The following GOLGA4 variants were observed in gnomAD, a reference collection of about 807,000 sequenced individuals.
GOLGA4 encodes golgin subfamily A member 4.
In GOLGA4, 169 loss-of-function variants were observed where a neutral mutation model predicts 265.9. The ratio of observed to expected loss-of-function variants is 0.64; its 90% CI spans 0.56 to 0.72. The LOEUF (loss-of-function observed/expected upper bound fraction) is 0.72. Among genes scored for constraint, GOLGA4 ranks in the 30% least tolerant of loss-of-function variants. The probability of loss-of-function intolerance (pLI) is 0.00; values close to 1 mark genes in which losing one functional copy is unlikely to be tolerated. For synonymous variants in GOLGA4, 923 were observed against 855.8 expected (o/e 1.08, Z -1.37); for missense variants, 2,482 against 2,483.4 (o/e 1.00, Z 0.01).
Position 37,326,609 on chromosome 3 carries a change from GAA to G in GOLGA4, c.4726_4727del (p.Lys1576GlyfsTer5), listed in dbSNP as rs1416636024. The G allele has an allele frequency of 6.2e-7, 1 of 1,613,260 alleles. No individual in the cohort carries two copies. The highest frequency in any genetic ancestry group is 8.5e-7 in the Non-Finnish European group (1 of 1,179,622). On this transcript the variant is annotated frameshift_variant, in exon 14 of 24. Coordinates refer to ENST00000361924, the MANE Select transcript of GOLGA4 (RefSeq NM_002078.5). LOFTEE classifies it high-confidence loss of function. ...KLQHFQELGEEKDNRVKEAEE... is the reference protein window; with the variant it reads ...KLQHFQELGEXKDNRVKEAEE... ...TCAACATTTTCAAGAGTTAGGAGAAGAAAAGGACAACAGGGTTAAAGAAGCTG... is the reference window on the plus strand; with the variant it reads ...TCAACATTTTCAAGAGTTAGGAGAAGAAGGACAACAGGGTTAAAGAAGCTG...
chr3:37,331,833 CATAT>C (rs35354419), intron 16 of GOLGA4, among the ~76,000 whole-genome samples: 45,520 of 151,798 alleles, frequency 0.3, 7,650 homozygotes, highest in Non-Finnish European at 0.39. Flanking sequence ...ACACCATACA[CATAT>C]ATATTAATGT....
At chr3:37,296,619 G>C (rs1559395652) in intron 7 of GOLGA4, among the ~76,000 whole-genome samples, 1 of 152,162 alleles carries the variant, frequency 6.6e-6, no homozygotes, top group African/African-American at 2.4e-5. Flanking sequence ...TGCCTAGGCT[G>C]GAGTGCAGTA....
chr3:37,298,903 T>G lies in GOLGA4; in HGVS notation c.885T>G (p.Leu295=). ...GAGTGAAGCGTCAAGAGAACCTACT[T>G]AAGCGTTGTAAGGAAACAATTCAGT... ...QQRVKRQENL[L]KRCKETIQSH... Residue 295 remains leucine, a synonymous_variant, in exon 8 of 24, where the codon CTT becomes CTG. Coordinates refer to ENST00000361924, the MANE Select transcript of GOLGA4 (RefSeq NM_002078.5). The G allele has an allele frequency of 6.2e-7, 1 of 1,613,556 alleles. No homozygotes were observed. The highest frequency in any genetic ancestry group is 8.5e-7 in the Non-Finnish European group (1 of 1,179,536).
rs531821336 is a variant in GOLGA4, at chr3:37,341,122, A to C, written c.6472+923A>C. On this transcript the variant is annotated intron_variant, in intron 20 of 23. Transcript: ENST00000361924. ...GTGGAGGTTGCAGTGAGCCAAGATCATGCCATTGCACTAAAAAAAAAAATG... is the reference window on the plus strand; with the variant it reads ...GTGGAGGTTGCAGTGAGCCAAGATCCTGCCATTGCACTAAAAAAAAAAATG... 5.3e-5 allele frequency among the ~76,000 whole-genome samples: 8 copies of C among 152,150 alleles called. 1 individual carries two copies. The South Asian group carries it at 1.7e-3, about 32-fold the overall frequency.
intron 7 of GOLGA4, among the ~76,000 whole-genome samples, chr3:37,297,918 A>G (rs1377545679): frequency 1.3e-5 from 2 of 151,998 alleles, no homozygotes; most frequent in African/African-American, 4.8e-5. Context: ...AATCCCAGCT[A>G]CTTGGGAGGT....
At chr3:37,262,407 G>A (rs926682833) in intron 2 of GOLGA4, among the ~76,000 whole-genome samples, 4 of 151,986 alleles carry the variant, frequency 2.6e-5, no homozygotes, top group African/African-American at 9.7e-5. Context: ...TCGGGAGGCT[G>A]AATGAGGCAG....
intron 2 of GOLGA4, among the ~76,000 whole-genome samples, chr3:37,256,687 CTTGTTGTTG>C (rs2096749679): frequency 6.6e-6 from 1 of 152,088 alleles, no homozygotes; most frequent in Admixed American, 6.6e-5. Context: ...GCTTCCTGTC[CTTGTTGTTG>C]CTTGAGGTTA....
rs754550127 is a variant in GOLGA4 at position 37,355,075 on chromosome 3, G to A, written c.6577-26G>A. ...ACTTTATATGCTTCACTGTCTGTTAGTGATCATCTCTTGTTTTTCTTGTAG... is the reference window on the plus strand; with the variant it reads ...ACTTTATATGCTTCACTGTCTGTTAATGATCATCTCTTGTTTTTCTTGTAG... On this transcript the variant is annotated intron_variant, in intron 21 of 23. Transcript: ENST00000361924. 4.6e-6 allele frequency: 6 copies of A among 1,302,156 alleles called. No homozygotes were observed. In the Admixed American group the frequency reaches 5.0e-5, roughly 11 times the overall value. The allele number at this position is 1,302,156 out of a possible 1,614,324, so 80.7% of individuals were successfully genotyped here. A position where few individuals can be genotyped will look rare whatever the true frequency, so the allele number is the denominator to read the frequency against.
chr3:37,302,467 G>GTA, intron 10 of GOLGA4, 135 bp downstream of exon 10: 1 of 763,696 alleles, frequency 1.3e-6, no homozygotes. Flanking sequence ...ACACCCATCT[G>GTA]CTCATTAGAG....
At position 37,276,060 on chromosome 3, in the gene GOLGA4, G is replaced by A. The variant is rs542227359; in HGVS notation, c.163-5898G>A. 2.2e-5 allele frequency: 36 copies of A among 1,612,560 alleles called. No homozygotes were observed. In the South Asian group the frequency reaches 3.1e-4, roughly 14 times the overall value. ...AACAGAAAGGATGAGACAAATGCTC[G>A]AGATACTTATGTTTCATCCTTTCCT... On this transcript the variant is annotated intron_variant, in intron 2 of 23. Coordinates refer to ENST00000361924, the MANE Select transcript of GOLGA4 (RefSeq NM_002078.5).
At chr3:37,255,667 C>T (rs1347888917) in intron 2 of GOLGA4, among the ~76,000 whole-genome samples, 1 of 152,032 alleles carries the variant, frequency 6.6e-6, no homozygotes, top group Non-Finnish European at 1.5e-5. Context: ...ATTCCAGATA[C>T]GTAGACTTTA....
chr3:37,316,891 C>T (rs959058035), intron 11 of GOLGA4, among the ~76,000 whole-genome samples: 1 of 151,470 alleles, frequency 6.6e-6, no homozygotes, highest in African/African-American at 2.4e-5. Context: ...ACCACATGGA[C>T]AATCCTGACA....
Position 37,324,782 on chromosome 3 carries a change from A to G in GOLGA4, c.2896A>G (p.Met966Val), listed in dbSNP as rs1180710999. 3 of 1,584,710 alleles carry G rather than the reference A, an allele frequency of 1.9e-6. No homozygotes were observed. Among genetic ancestry groups the G allele is most frequent in the Admixed American group, 3.9e-5 (2 of 50,778 alleles). ...MEKVKQKAKE[M>V]QETLKKKLLD... is the part of the protein sequence containing the mutation. Reference sequence around the variant, plus strand: ...AAAAGTTAAGCAGAAAGCAAAGGAGATGCAAGAAACGTTAAAGAAAAAATT... The same window carrying G: ...AAAAGTTAAGCAGAAAGCAAAGGAGGTGCAAGAAACGTTAAAGAAAAAATT... Residue 966 changes from methionine to valine, a missense_variant, in exon 14 of 24, where the codon ATG becomes GTG. Coordinates refer to ENST00000361924, the MANE Select transcript of GOLGA4 (RefSeq NM_002078.5).
At chr3:37,246,871 C>A (rs2096721077) in intron 1 of GOLGA4, among the ~76,000 whole-genome samples, 1 of 152,132 alleles carries the variant, frequency 6.6e-6, no homozygotes, top group Non-Finnish European at 1.5e-5. Flanking sequence ...GCTGACCTCA[C>A]TCTTTTAGAG....
rs987254987 is a variant in GOLGA4 at position 37,359,965 on chromosome 3, G to A, written c.6664-1278G>A. Among the ~76,000 whole-genome samples the A allele has an allele frequency of 4.6e-5, 7 of 152,078 alleles. No individual in the cohort carries two copies. In the South Asian group the frequency reaches 6.2e-4, roughly 14 times the overall value. ...TGGTGTTGGTAGAATAAGGTAATACGTGATCACTGGAAAAAATATTATAAG... is the reference window on the plus strand; with the variant it reads ...TGGTGTTGGTAGAATAAGGTAATACATGATCACTGGAAAAAATATTATAAG... On this transcript the variant is annotated intron_variant, in intron 22 of 23. Coordinates refer to ENST00000361924, the MANE Select transcript of GOLGA4 (RefSeq NM_002078.5).
chr3:37,246,479 A>C (rs772549023), intron 1 of GOLGA4, among the ~76,000 whole-genome samples: 1 of 152,222 alleles, frequency 6.6e-6, no homozygotes, highest in African/African-American at 2.4e-5. Context: ...AGCCTTTTCA[A>C]GTACTTCTAA....
intron 2 of GOLGA4, chr3:37,276,665 G>T (rs1347804513): frequency 5.9e-6 from 8 of 1,366,470 alleles, no homozygotes. Context: ...TTTAAACTAG[G>T]CCAAGCAACT....
chr3:37,321,949 T>A (rs2096956164), intron 13 of GOLGA4, 63 bp downstream of exon 13: 3 of 1,347,064 alleles, frequency 2.2e-6, no homozygotes, highest in Non-Finnish European at 3.1e-6. Context: ...AAATTTGTTG[T>A]CTCTAGTCAG....
rs577921095 is a variant in GOLGA4 at position 37,327,747 on chromosome 3, G to A, written c.5861G>A (p.Arg1954Gln). ...ATTGTTAGATTGCAGAAAGACCTTC[G>A]AATGTTGAGAAAGGAGCATCAGCAA... ...KEIVRLQKDL[R>Q]MLRKEHQQEL... Residue 1954 changes from arginine (R) to glutamine (Q), a missense_variant, in exon 14 of 24, where the codon CGA (arginine) becomes CAA (glutamine). Arg to Gln is a conservative substitution (Grantham distance 43). Around this residue, in one of 3 missense-constraint regions of GOLGA4, gnomAD observed 942 missense variants for 983.1 expected, o/e 0.96. Transcript: ENST00000361924. 13 of 1,612,642 alleles carry A rather than the reference G, an allele frequency of 8.1e-6. No individual in the cohort carries two copies. Among genetic ancestry groups the A allele is most frequent in the South Asian group, 4.4e-5 (4 of 91,030 alleles).
Sources: gnomAD v4.1 joint callset for allele counts (sites outside exome capture counted in the v4.1 genomes callset) on GRCh38, gnomAD v4.1.1 for gene constraint, gnomAD v4.1.1 regional missense constraint, MANE v1.5 for transcripts, NCBI Gene and HGNC (gene_info 2026-07-23, HGNC 2026-07-21) for gene names.